Variants in TNRC6B observed in about 807,000 individuals in gnomAD.
TNRC6B encodes trinucleotide repeat containing adaptor 6B, also known as trinucleotide repeat-containing gene 6B protein.
TNRC6B carries 52 observed loss-of-function variants against 203.6 expected under a neutral mutation model. The ratio of observed to expected loss-of-function variants is 0.26; its 90% CI spans 0.20 to 0.32. The LOEUF is 0.32. Ranked by LOEUF, TNRC6B falls within the 10% of genes least tolerant of loss-of-function variation. The probability of loss-of-function intolerance (pLI) is 1.00; values close to 1 mark genes in which losing one functional copy is unlikely to be tolerated. For synonymous variants in TNRC6B, 838 were observed against 845.7 expected, an observed-to-expected ratio of 0.99 and a Z score of 0.16; for missense variants, 1,923 against 2,286.2, an observed-to-expected ratio of 0.84 and a Z score of 3.24.
intron 7 of TNRC6B, among the ~76,000 whole-genome samples, chr22:40,275,791 T>C (rs2070633730): frequency 6.6e-6 from 1 of 151,966 alleles, no homozygotes; most frequent in Admixed American, 6.6e-5. Context: ...AAACCCCGTC[T>C]CTACTAAACC....
chr22:40,117,387 A>T (rs2068397862), intron 2 of TNRC6B, among the ~76,000 whole-genome samples: 1 of 152,168 alleles, frequency 6.6e-6, no homozygotes, highest in South Asian at 2.1e-4. Context: ...TGTGAATTTT[A>T]TGTGAGTGTT....
intron 3 of TNRC6B, among the ~76,000 whole-genome samples, chr22:40,145,163 T>G (rs755430225): frequency 6.6e-6 from 1 of 151,952 alleles, no homozygotes; most frequent in Non-Finnish European, 1.5e-5. Context: ...GGAGAATCAC[T>G]TGAATTCGGG....
chr22:40,081,652 C>G (rs1335188372), intron 1 of TNRC6B, among the ~76,000 whole-genome samples: 1 of 152,164 alleles, frequency 6.6e-6, no homozygotes, highest in African/African-American at 2.4e-5. Context: ...TCCTTAGGTA[C>G]AAAATGTGGA....
At chr22:40,105,240 T>A (rs2068273301) in intron 1 of TNRC6B, among the ~76,000 whole-genome samples, 1 of 152,256 alleles carries the variant, frequency 6.6e-6, no homozygotes, top group Non-Finnish European at 1.5e-5. Flanking sequence ...AAATACCATT[T>A]TTCCTTTTGT....
intron 3 of TNRC6B, among the ~76,000 whole-genome samples, chr22:40,150,108 A>G (rs2068735892): frequency 2.0e-5 from 3 of 152,216 alleles, no homozygotes; most frequent in African/African-American, 7.2e-5. Context: ...GCTCCCTTCT[A>G]AAGTGCCACT....
intron 1 of TNRC6B, among the ~76,000 whole-genome samples, chr22:40,199,224 A>G (rs551294845): frequency 8.4e-4 from 128 of 152,264 alleles, no homozygotes; most frequent in Middle Eastern, 3.4e-3. Flanking sequence ...AAGAAAACCT[A>G]TGTACGGACT....
intron 7 of TNRC6B, among the ~76,000 whole-genome samples, chr22:40,274,071 A>G (rs757000758): frequency 5.3e-5 from 8 of 152,224 alleles, no homozygotes; most frequent in Non-Finnish European, 1.2e-4. Flanking sequence ...TTGCTTTCCC[A>G]TGACCTTGAA....
chr22:40,076,559 C>G (rs1365704089), intron 1 of TNRC6B, among the ~76,000 whole-genome samples: 1 of 151,842 alleles, frequency 6.6e-6, no homozygotes, highest in East Asian at 1.9e-4. Flanking sequence ...GTTAAAGATC[C>G]CTATCTTGTA....
chr22:40,119,133 G>A (rs903476164), intron 2 of TNRC6B, among the ~76,000 whole-genome samples: 1 of 152,164 alleles, frequency 6.6e-6, no homozygotes, highest in Admixed American at 6.5e-5. Context: ...ACTTGCACAG[G>A]TACTGTAGGA....
Position 40,132,973 on chromosome 22 carries a change from T to A in TNRC6B, c.45+7111T>A, listed in dbSNP as rs867945905. Among the ~76,000 whole-genome samples the A allele has an allele frequency of 9.8e-3, 1,103 of 112,006 alleles. 59 individuals carry two copies. Among genetic ancestry groups the A allele is most frequent in the Middle Eastern group, 0.044 (10 of 226 alleles). The allele number at this position is 112,006 out of a possible 152,430, so 73.5% of individuals were successfully genotyped here. On this transcript the variant is annotated intron_variant, in intron 3 of 23. Transcript: ENST00000301923. ...AAAAAAAAAAAAAAAAAAAAAAATA[T>A]ATATATATATATATATATTCTGTAA...
intron 1 of TNRC6B, among the ~76,000 whole-genome samples, chr22:40,194,744 T>C (rs1406046078): frequency 2.6e-5 from 4 of 152,228 alleles, no homozygotes; most frequent in African/African-American, 7.2e-5. Context: ...CTTCTGTGTT[T>C]ACTTGTCCTC....
chr22:40,101,576 T>A (rs980140576), intron 1 of TNRC6B, among the ~76,000 whole-genome samples: 9 of 152,268 alleles, frequency 5.9e-5, no homozygotes, highest in Admixed American at 5.2e-4. Flanking sequence ...CTGTCCTTTA[T>A]AGCCTCCTGA....
chr22:40,265,052 T>A lies in TNRC6B; in HGVS notation c.822T>A (p.Thr274=). The A allele has an allele frequency of 6.2e-7, 1 of 1,613,970 alleles. No individual in the cohort carries two copies. Among genetic ancestry groups the A allele is most frequent in the South Asian group, 1.1e-5 (1 of 91,082 alleles). Residue 274 remains threonine (T), a synonymous_variant, in exon 5 of 23, where the codon ACT becomes ACA. Coordinates refer to ENST00000454349, the MANE Select transcript of TNRC6B (RefSeq NM_001162501.2). The part of the protein sequence containing the change: ...KAKSVQSSNS[T]TENNNGLGNW... The stretch of plus-strand genomic sequence containing the variant: ...AATCTGTTCAATCTTCCAACTCTAC[T>A]ACAGAGAACAACAATGGACTAGGAA...
At chr22:40,100,105 T>C (rs1303918554) in intron 1 of TNRC6B, among the ~76,000 whole-genome samples, 1 of 136,780 alleles carries the variant, frequency 7.3e-6, no homozygotes, top group East Asian at 2.2e-4. Context: ...TTTATTTATT[T>C]ATGGAGACAG....
At chr22:40,321,889 T>TG (rs968434431) in intron 22 of TNRC6B, 2 of 152,320 alleles carry the variant, frequency 1.3e-5, no homozygotes, top group Non-Finnish European at 2.9e-5. Flanking sequence ...ATTGTGGTCT[T>TG]GGGGGGTAGC....
chr22:40,243,058 A>G (rs946815269), intron 1 of TNRC6B, among the ~76,000 whole-genome samples: 1 of 151,428 alleles, frequency 6.6e-6, no homozygotes, highest in Non-Finnish European at 1.5e-5. Context: ...TTTAGTAGAG[A>G]TGGGGTTTCA....
chr22:40,276,975 TAAA>T (rs1415245968), intron 7 of TNRC6B, 99 bp from the exon 8 acceptor site: 1 of 808,636 alleles, frequency 1.2e-6, no homozygotes, highest in African/African-American at 1.8e-5. Flanking sequence ...AAATAGGACT[TAAA>T]AAGGTAAACT....
intron 7 of TNRC6B, among the ~76,000 whole-genome samples, chr22:40,275,272 G>GAT (rs929313839): frequency 7.2e-5 from 11 of 152,138 alleles, no homozygotes; most frequent in Non-Finnish European, 1.5e-4. Flanking sequence ...TGTCTAGTGT[G>GAT]ATTTTGGCTT....
At chr22:40,125,943 T>C in intron 3 of TNRC6B, 3 of 1,345,712 alleles carry the variant, frequency 2.2e-6, no homozygotes, top group Non-Finnish European at 3.0e-6. Flanking sequence ...GTATTTCATT[T>C]TACATGACTG....
Sources: allele counts gnomAD v4.1 joint callset (sites outside exome capture counted in the v4.1 genomes callset), GRCh38; gene constraint gnomAD v4.1.1; transcripts MANE v1.5; gene names NCBI Gene and HGNC (gene_info 2026-07-23, HGNC 2026-07-21).